MPP7: variants seen among roughly 807,000 people sequenced by gnomAD.
MPP7 encodes MAGUK p55 scaffold protein 7.
A neutral mutation model predicts 76.5 loss-of-function variants in MPP7; 60 were observed. The observed-to-expected ratio is 0.78, with a 90% CI of 0.64 to 0.97. MPP7 has a LOEUF of 0.97. Ranked by LOEUF, MPP7 falls within the 50% of genes least tolerant of loss-of-function variation. The probability of loss-of-function intolerance (pLI) is 0.00; values close to 1 mark genes in which losing one functional copy is unlikely to be tolerated. For synonymous variants in MPP7, 237 were observed against 244.5 expected (o/e 0.97, Z 0.29); for missense variants, 641 against 694.0 (o/e 0.92, Z 0.86).
intron 1 of MPP7, among the ~76,000 whole-genome samples, chr10:28,285,214 C>T (rs947550627): frequency 9.9e-5 from 15 of 152,102 alleles, no homozygotes; most frequent in African/African-American, 3.1e-4. Flanking sequence ...GATGAAGTTT[C>T]GCTCTTGTTG....
chr10:28,156,975 C>T (rs186213193), intron 3 of MPP7, among the ~76,000 whole-genome samples: 23 of 151,984 alleles, frequency 1.5e-4, no homozygotes, highest in Admixed American at 6.5e-4. Context: ...TTTGGGAGGC[C>T]GAGGCAAGAG....
chr10:28,277,964 G>A (rs1041670958), intron 1 of MPP7, among the ~76,000 whole-genome samples: 2 of 152,038 alleles, frequency 1.3e-5, no homozygotes, highest in Admixed American at 6.5e-5. Context: ...TCTTTTGAGT[G>A]ACATGAAGAG....
At chr10:28,195,695 A>T (rs1837558768) in intron 3 of MPP7, among the ~76,000 whole-genome samples, 1 of 152,252 alleles carries the variant, frequency 6.6e-6, no homozygotes, top group Admixed American at 6.5e-5. Context: ...ACATAGAGAC[A>T]GAAAGTAGAC....
At chr10:28,286,186 T>C (rs1840786687) in intron 1 of MPP7, among the ~76,000 whole-genome samples, 1 of 151,862 alleles carries the variant, frequency 6.6e-6, no homozygotes, top group African/African-American at 2.4e-5. Flanking sequence ...CTACTAAAAA[T>C]ACAGAAAAAA....
chr10:28,308,022 A>T (rs946507181), upstream of MPP7, among the ~76,000 whole-genome samples: 1 of 152,154 alleles, frequency 6.6e-6, no homozygotes, highest in Non-Finnish European at 1.5e-5. Flanking sequence ...GACCTGAGCA[A>T]TGCAATTTTC....
intron 12 of MPP7, among the ~76,000 whole-genome samples, chr10:28,071,270 G>A (rs912984571): frequency 3.9e-5 from 6 of 152,230 alleles, no homozygotes; most frequent in African/African-American, 1.4e-4. Context: ...TGGAGAACAT[G>A]CAGGTGTAAA....
intron 3 of MPP7, among the ~76,000 whole-genome samples, chr10:28,196,220 C>T (rs1210927168): frequency 1.3e-5 from 2 of 152,144 alleles, no homozygotes; most frequent in Non-Finnish European, 2.9e-5. Flanking sequence ...GTGGCTCATG[C>T]CTGTAATCCC....
At chr10:28,127,771 G>A (rs906896811) in intron 6 of MPP7, among the ~76,000 whole-genome samples, 8 of 152,182 alleles carry the variant, frequency 5.3e-5, no homozygotes, top group African/African-American at 1.9e-4. Context: ...TAAACACTGT[G>A]GGGGTGTGAG....
At chr10:28,274,094 T>G (rs549708690) in intron 1 of MPP7, among the ~76,000 whole-genome samples, 4 of 147,110 alleles carry the variant, frequency 2.7e-5, no homozygotes, top group African/African-American at 1.0e-4. Context: ...TAAAATAAAA[T>G]TTTTTTCTTT....
intron 3 of MPP7, among the ~76,000 whole-genome samples, chr10:28,195,767 G>A (rs76528336): frequency 2.8e-3 from 429 of 152,240 alleles, no homozygotes; most frequent in Non-Finnish European, 5.0e-3. Flanking sequence ...GATGGCTAGG[G>A]GTGAAGGATT....
At chr10:28,219,178 A>C (rs1244454093) in intron 2 of MPP7, among the ~76,000 whole-genome samples, 1 of 152,238 alleles carries the variant, frequency 6.6e-6, no homozygotes, top group Non-Finnish European at 1.5e-5. Context: ...AAACCTAAAA[A>C]CATAAATTCA....
chr10:28,127,453 A>C (rs971129120), intron 6 of MPP7, among the ~76,000 whole-genome samples: 4 of 152,196 alleles, frequency 2.6e-5, no homozygotes, highest in Admixed American at 2.0e-4. Flanking sequence ...AATTTATGAA[A>C]GGAAGGTTTA....
intron 1 of MPP7, among the ~76,000 whole-genome samples, chr10:28,333,781 T>C (rs1834491339): frequency 6.6e-6 from 1 of 152,212 alleles, no homozygotes; most frequent in Admixed American, 6.5e-5. Context: ...TTAATTTTTT[T>C]AAGTCTATCT....
Position 28,209,919 on chromosome 10 carries a change from C to T in MPP7, c.38-7648G>A, listed in dbSNP as rs139154573. Among the ~76,000 whole-genome samples, 666 of 152,334 alleles carry T rather than the reference C, an allele frequency of 4.4e-3. 5 individuals are homozygous for T. Among genetic ancestry groups the T allele is most frequent in the African/African-American group, 0.016 (645 of 41,582 alleles). ...AAGAAAGAAGATCTGCTCTCACCAA[C>T]ATGGGCAGCATCAGCCAATCTCACT... On this transcript the variant is annotated intron_variant, in intron 2 of 16. Coordinates refer to ENST00000683449, the MANE Select transcript of MPP7 (RefSeq NM_001318170.2).
At chr10:28,226,679 A>C (rs907107937) in intron 2 of MPP7, among the ~76,000 whole-genome samples, 4 of 152,206 alleles carry the variant, frequency 2.6e-5, no homozygotes, top group Non-Finnish European at 5.9e-5. Context: ...TAAAAATGGT[A>C]AAAATGGCAA....
intron 3 of MPP7, among the ~76,000 whole-genome samples, chr10:28,190,516 A>G (rs1460178260): frequency 6.6e-6 from 1 of 152,218 alleles, no homozygotes; most frequent in African/African-American, 2.4e-5. Flanking sequence ...AATCAGTAAC[A>G]GAAAGACAGC....
In MPP7 at chr10:28,057,761, A is replaced by T. The variant is rs959766152; in HGVS notation, c.1407+734T>A. 8 of 1,288,414 alleles carry T rather than the reference A, an allele frequency of 6.2e-6. No individual in the cohort carries two copies. In the African/African-American group the frequency reaches 9.1e-5, roughly 15 times the overall value. 79.8% of individuals were successfully genotyped at this position (1,288,414 alleles called of 1,614,324 possible). ...TTACTCCAGATTCATCTTCCTTTAG[A>T]GGTCCAAAGGGCTTCCGCAGGTCAT... is the stretch of plus-strand genomic sequence containing the variant. On this transcript the variant is annotated intron_variant, in intron 15 of 16. Coordinates refer to ENST00000683449, the MANE Select transcript of MPP7 (RefSeq NM_001318170.2).
chr10:28,225,080 A>T (rs1338596312), intron 2 of MPP7, among the ~76,000 whole-genome samples: 1 of 152,194 alleles, frequency 6.6e-6, no homozygotes, highest in Non-Finnish European at 1.5e-5. Context: ...AAATGCAGAG[A>T]TGAAAAACTA....
chr10:28,118,439 A>G, intron 11 of MPP7: 2 of 984,864 alleles, frequency 2.0e-6, no homozygotes, highest in Non-Finnish European at 2.4e-6. Flanking sequence ...TTTAAGTGAC[A>G]CATTATCTTA....
Sources: allele counts gnomAD v4.1 joint callset (sites outside exome capture counted in the v4.1 genomes callset), GRCh38; gene constraint gnomAD v4.1.1; transcripts MANE v1.5; gene names NCBI Gene and HGNC (gene_info 2026-07-23, HGNC 2026-07-21).